PAQR5: variants seen among roughly 807,000 people sequenced by gnomAD.
The protein encoded by PAQR5 is membrane progestin receptor gamma.
Under a neutral mutation model 34.5 loss-of-function variants are expected in PAQR5, and 20 were observed. That is an observed-to-expected ratio of 0.58 (90% CI 0.41 to 0.84). The LOEUF (loss-of-function observed/expected upper bound fraction) is 0.84. Ranked by LOEUF, PAQR5 falls within the 40% of genes least tolerant of loss-of-function variation. The pLI is 0.00. For synonymous variants in PAQR5, 131 were observed against 155.6 expected, an observed-to-expected ratio of 0.84 and a Z score of 1.18; for missense variants, 378 against 412.7, an observed-to-expected ratio of 0.92 and a Z score of 0.73.
At chr15:69,329,520 T>A (rs890963565) in intron 1 of PAQR5, among the ~76,000 whole-genome samples, 10 of 144,814 alleles carry the variant, frequency 6.9e-5, no homozygotes, top group African/African-American at 2.6e-4. Context: ...CACCTCGCTC[T>A]GTCTGATTGT....
intron 3 of PAQR5, among the ~76,000 whole-genome samples, chr15:69,363,089 G>A (rs1480679318): frequency 1.3e-5 from 2 of 152,144 alleles, no homozygotes; most frequent in African/African-American, 4.8e-5. Context: ...GCTCTGTACA[G>A]CTGCCTCTCC....
At position 69,360,016 on chromosome 15, in the gene PAQR5, C is replaced by T. The variant is rs1458338299; in HGVS notation, c.-65C>T. Reference sequence around the variant, plus strand: ...AGAGACGCCCCAGGCCATGTTAGAGCTTTGAGTGAGGCCTGGTAACAGGGA... The same window carrying T: ...AGAGACGCCCCAGGCCATGTTAGAGTTTTGAGTGAGGCCTGGTAACAGGGA... On this transcript the variant is annotated 5_prime_UTR_variant, in exon 3 of 9. Coordinates refer to ENST00000395407, the MANE Select transcript of PAQR5 (RefSeq NM_017705.4). 1.9e-5 allele frequency: 25 copies of T among 1,317,942 alleles called. No homozygotes were observed. The highest frequency in any genetic ancestry group is 2.9e-5 in the African/African-American group (2 of 68,776). 81.6% of individuals were successfully genotyped at this position (1,317,942 alleles called of 1,614,324 possible). A position where few individuals can be genotyped will look rare whatever the true frequency, so the allele number is the denominator to read the frequency against.
intron 3 of PAQR5, chr15:69,379,677 C>T (rs1567030473): frequency 2.4e-6 from 2 of 843,966 alleles, no homozygotes; most frequent in African/African-American, 1.8e-5. Context: ...AATTCCCTCC[C>T]CCAGCTAGCT....
intron 2 of PAQR5, among the ~76,000 whole-genome samples, chr15:69,351,224 T>C (rs1300718557): frequency 6.6e-6 from 1 of 152,262 alleles, no homozygotes; most frequent in Non-Finnish European, 1.5e-5. Context: ...CCTGAAGGGA[T>C]TGCAGAGATT....
chr15:69,305,871 G>A (rs1011358333), intron 1 of PAQR5, among the ~76,000 whole-genome samples: 7 of 152,192 alleles, frequency 4.6e-5, no homozygotes, highest in Non-Finnish European at 8.8e-5. Context: ...AAGGGCAGAC[G>A]ATCTTTGGCA....
intron 6 of PAQR5, among the ~76,000 whole-genome samples, chr15:69,392,779 G>A (rs2056308293): frequency 6.6e-6 from 1 of 151,786 alleles, no homozygotes. Context: ...GATATTGAAG[G>A]AGGTAGAACA....
At chr15:69,338,798 G>A (rs1177583626) in intron 2 of PAQR5, among the ~76,000 whole-genome samples, 1 of 152,182 alleles carries the variant, frequency 6.6e-6, no homozygotes, top group African/African-American at 2.4e-5. Context: ...GGCATAGGCT[G>A]ATCTAACTCT....
At chr15:69,401,745 T>C (rs1363280147) in intron 8 of PAQR5, among the ~76,000 whole-genome samples, 5 of 152,200 alleles carry the variant, frequency 3.3e-5, no homozygotes, top group African/African-American at 7.2e-5. Flanking sequence ...AGTCCTTAAC[T>C]AACAGAGTCT....
rs2053545243 is a variant in PAQR5, at chr15:69,300,708, CTTTCTT to C, written c.-277+1654_-277+1659del. Among the ~76,000 whole-genome samples, 3 of 7,268 alleles carry C rather than the reference CTTTCTT, an allele frequency of 4.1e-4. 1 individual carries two copies. Among genetic ancestry groups the C allele is most frequent in the South Asian group, 6.1e-3 (2 of 328 alleles). 4.8% of individuals were successfully genotyped at this position (7,268 alleles called of 152,430 possible). A position where few individuals can be genotyped will look rare whatever the true frequency, so the allele number is the denominator to read the frequency against. ...CCTCCCTCCCTCTCTCTCTCTCTTT[CTTTCTT>C]TCTTTCTTTCTTTCTTTCTTTCTTT... On this transcript the variant is annotated intron_variant, in intron 1 of 8. Coordinates refer to ENST00000395407, the MANE Select transcript of PAQR5 (RefSeq NM_017705.4).
rs1305397943 is a variant in PAQR5, at chr15:69,405,990, AATTATC to A, written c.*2173_*2178del. The A allele has an allele frequency of 6.6e-6, 1 of 152,202 alleles. No individual in the cohort carries two copies. Among genetic ancestry groups the A allele is most frequent in the Non-Finnish European group, 1.5e-5 (1 of 68,040 alleles). 9.4% of individuals were successfully genotyped at this position (152,202 alleles called of 1,614,324 possible). On this transcript the variant is annotated 3_prime_UTR_variant, in exon 9 of 9. Coordinates refer to ENST00000395407, the MANE Select transcript of PAQR5 (RefSeq NM_017705.4). Reference sequence around the variant, plus strand: ...AAATGAGAAGGGGTTCAAATATATTAATTATCATTAAGTATTAAATAATAGGCATTA... The same window carrying A: ...AAATGAGAAGGGGTTCAAATATATTAATTAAGTATTAAATAATAGGCATTA...
intron 2 of PAQR5, among the ~76,000 whole-genome samples, chr15:69,346,733 T>C (rs1474916517): frequency 1.3e-5 from 2 of 151,748 alleles, no homozygotes. Context: ...GCAATTCTCC[T>C]GCCTCAGCCT....
At position 69,367,999 on chromosome 15, in the gene PAQR5, C is replaced by T. The variant is rs73440989; in HGVS notation, c.51+7868C>T. ...CCATGGCATGATGAGTGGCTCAGTT[C>T]GGAAGAGTCCTTCCGAAAGGTCCTT... On this transcript the variant is annotated intron_variant, in intron 3 of 8. Transcript: ENST00000395407. Among the ~76,000 whole-genome samples the T allele has an allele frequency of 7.9e-3, 1,199 of 151,974 alleles. 15 individuals are homozygous for T. Among genetic ancestry groups the T allele is most frequent in the African/African-American group, 0.027 (1,135 of 41,460 alleles).
intron 1 of PAQR5, among the ~76,000 whole-genome samples, chr15:69,322,733 A>G (rs1480151096): frequency 8.0e-4 from 23 of 28,814 alleles, no homozygotes; most frequent in South Asian, 3.3e-3. Context: ...AAGAAGAAGA[A>G]GAAGAAGAAG....
chr15:69,376,095 G>C (rs2055699052), intron 3 of PAQR5, among the ~76,000 whole-genome samples: 1 of 152,162 alleles, frequency 6.6e-6, no homozygotes, highest in African/African-American at 2.4e-5. Context: ...AGTTCCTGGA[G>C]GTTCTCTCTT....
chr15:69,358,602 T>A (rs1360725541), intron 2 of PAQR5, among the ~76,000 whole-genome samples: 1 of 150,872 alleles, frequency 6.6e-6, no homozygotes, highest in Non-Finnish European at 1.5e-5. Flanking sequence ...CTGGGTGACC[T>A]CTAAGGCCCT....
In PAQR5 at chr15:69,403,985, T is replaced by C. The variant is rs988255223; in HGVS notation, c.*163T>C. ...AAAATGTTATTCAGCTGGGGAAATT[T>C]CTCTAAATGTACACTGATTCTGTGT... On this transcript the variant is annotated 3_prime_UTR_variant, in exon 9 of 9. Coordinates refer to ENST00000395407, the MANE Select transcript of PAQR5 (RefSeq NM_017705.4). 1.4e-6 allele frequency: 1 copy of C among 719,084 alleles called. No individual in the cohort carries two copies. Among genetic ancestry groups the C allele is most frequent in the East Asian group, 2.7e-5 (1 of 36,848 alleles). 44.5% of individuals were successfully genotyped at this position (719,084 alleles called of 1,614,324 possible). A position where few individuals can be genotyped will look rare whatever the true frequency, so the allele number is the denominator to read the frequency against.
intron 3 of PAQR5, among the ~76,000 whole-genome samples, chr15:69,375,383 C>G (rs1441839597): frequency 6.6e-6 from 1 of 152,122 alleles, no homozygotes; most frequent in East Asian, 1.9e-4. Flanking sequence ...GATCTTATCT[C>G]CGAATGCAGT....
chr15:69,321,554 A>T (rs2054097047), intron 1 of PAQR5, among the ~76,000 whole-genome samples: 1 of 152,258 alleles, frequency 6.6e-6, no homozygotes, highest in Non-Finnish European at 1.5e-5. Context: ...ATAAAAGAGC[A>T]AATGTTGACA....
chr15:69,388,362 G>A (rs371806826), intron 5 of PAQR5, among the ~76,000 whole-genome samples: 34 of 152,278 alleles, frequency 2.2e-4, no homozygotes, highest in South Asian at 8.3e-4. Context: ...GTCAGAATCC[G>A]GGATGACCTA....
Sources: allele counts gnomAD v4.1 joint callset (sites outside exome capture counted in the v4.1 genomes callset), GRCh38; gene constraint gnomAD v4.1.1; transcripts MANE v1.5; gene names NCBI Gene and HGNC (gene_info 2026-07-23, HGNC 2026-07-21).